RARB: variants seen among roughly 807,000 people sequenced by gnomAD.
RARB encodes retinoic acid receptor beta.
A neutral mutation model predicts 51.9 loss-of-function variants in RARB; 17 were observed. The ratio of observed to expected loss-of-function variants is 0.33; its 90% confidence interval spans 0.22 to 0.49. RARB has a LOEUF of 0.49. Ranked by LOEUF, RARB falls within the 20% of genes least tolerant of loss-of-function variation. The probability of loss-of-function intolerance (pLI) is 0.99; values close to 1 mark genes in which losing one functional copy is unlikely to be tolerated. For missense variants in RARB, 369 were observed against 550.8 expected (o/e 0.67, Z 3.30); for synonymous variants, 215 against 195.4 (o/e 1.10, Z -0.84).
intron 2 of RARB, among the ~76,000 whole-genome samples, chr3:24,940,146 C>T (rs1279694453): frequency 6.6e-6 from 1 of 152,176 alleles, no homozygotes; most frequent in East Asian, 1.9e-4. Context: ...AGACACGTCT[C>T]CTTTAAATGG....
At position 24,990,717 on chromosome 3, in the gene RARB, C is replaced by G. The variant is rs1696890269; in HGVS notation, c.-379-69408C>G. On this transcript the variant is annotated intron_variant, in intron 2 of 11. Coordinates refer to the RARB transcript ENST00000383772. Reference sequence around the variant, plus strand: ...ACCCTGCTCTTTGGCTTGTATAGTCCTGCCTCCTCATTATTACTCTTCTTC... The same window carrying G: ...ACCCTGCTCTTTGGCTTGTATAGTCGTGCCTCCTCATTATTACTCTTCTTC... Among the ~76,000 whole-genome samples the G allele has an allele frequency of 4.8e-5, 2 of 41,818 alleles. 1 individual carries two copies. The highest frequency in any genetic ancestry group is 7.3e-4 in the Admixed American group (2 of 2,736). The allele number at this position is 41,818 out of a possible 152,430, so 27.4% of individuals were successfully genotyped here.
chr3:24,904,996 C>T (rs866145629), intron 2 of RARB, among the ~76,000 whole-genome samples: 1 of 152,074 alleles, frequency 6.6e-6, no homozygotes, highest in East Asian at 1.9e-4. Context: ...GGGAACATCA[C>T]ACAAGGGGAG....
At chr3:24,901,126 A>C (rs1457410830) in intron 2 of RARB, among the ~76,000 whole-genome samples, 1 of 152,210 alleles carries the variant, frequency 6.6e-6, no homozygotes, top group Non-Finnish European at 1.5e-5. Context: ...GAGTAAATTG[A>C]TGGCCAATGG....
intron 2 of RARB, among the ~76,000 whole-genome samples, chr3:25,031,851 G>A (rs908457417): frequency 3.9e-5 from 6 of 152,102 alleles, no homozygotes; most frequent in South Asian, 2.1e-4. Flanking sequence ...ATTAATATTA[G>A]TACTTAAACT....
intron 3 of RARB, among the ~76,000 whole-genome samples, chr3:25,533,188 G>A (rs943826607): frequency 1.3e-4 from 20 of 152,120 alleles, no homozygotes; most frequent in African/African-American, 4.6e-4. Flanking sequence ...GCAGTTTTAT[G>A]GGAAGGGGAC....
At chr3:25,209,984 A>G (rs1246885211) in intron 5 of RARB, among the ~76,000 whole-genome samples, 1 of 152,140 alleles carries the variant, frequency 6.6e-6, no homozygotes, top group Non-Finnish European at 1.5e-5. Flanking sequence ...CTTCTGACAT[A>G]TTACTATAGC....
rs553133883 is a variant in RARB, at chr3:24,917,114, G to C, written c.-380+58362G>C. ...TTGTTTTTTAAAAAAATTTTATAAT[G>C]AAGTCTTGGGGTATGAATTATTTGT... On this transcript the variant is annotated intron_variant, in intron 2 of 11. Coordinates refer to the RARB transcript ENST00000383772. Among the ~76,000 whole-genome samples the C allele has an allele frequency of 3.3e-5, 5 of 152,284 alleles. No homozygotes were observed. The South Asian group carries it at 1.0e-3, about 32-fold the overall frequency.
At chr3:25,107,601 A>G (rs1603984) in intron 3 of RARB, among the ~76,000 whole-genome samples, 94,313 of 151,900 alleles carry the variant, frequency 0.62, 29,822 homozygotes, top group East Asian at 0.87. Flanking sequence ...GCCTGAAACC[A>G]CAAGTAGTAC....
At chr3:25,301,833 C>T (rs1016353255) in intron 5 of RARB, among the ~76,000 whole-genome samples, 5 of 152,182 alleles carry the variant, frequency 3.3e-5, no homozygotes, top group African/African-American at 4.8e-5. Flanking sequence ...GCATAGATGC[C>T]AGACCATTGG....
chr3:25,352,551 A>C (rs545063832), intron 5 of RARB, among the ~76,000 whole-genome samples: 1 of 152,236 alleles, frequency 6.6e-6, no homozygotes, highest in South Asian at 2.1e-4. Context: ...TGTAGTATTA[A>C]CCTGCCCCAA....
In RARB at chr3:25,148,588, A is replaced by G. The variant is rs73143482; in HGVS notation, c.-280+16380A>G. The stretch of plus-strand genomic sequence containing the variant: ...AAGTAATCACTGTCGCTGTACTTTT[A>G]TGGAAGCGTGTGGTGCAGTGGAAAA... On this transcript the variant is annotated intron_variant, in intron 4 of 11. Coordinates refer to the RARB transcript ENST00000383772. Among the ~76,000 whole-genome samples the G allele has an allele frequency of 4.3e-3, 661 of 152,298 alleles. 6 individuals are homozygous for G. Among genetic ancestry groups the G allele is most frequent in the African/African-American group, 0.015 (627 of 41,564 alleles).
At chr3:25,343,816 T>A (rs1441169484) in intron 5 of RARB, among the ~76,000 whole-genome samples, 2 of 152,202 alleles carry the variant, frequency 1.3e-5, no homozygotes, top group Non-Finnish European at 2.9e-5. Context: ...TGGCAAAGTT[T>A]GGGAGCTGCT....
At chr3:25,296,435 G>A (rs1279067105) in intron 5 of RARB, among the ~76,000 whole-genome samples, 6 of 152,138 alleles carry the variant, frequency 3.9e-5, no homozygotes, top group Non-Finnish European at 7.4e-5. Flanking sequence ...AATTATCTCT[G>A]TGCTTCTGTT....
At chr3:25,328,898 TC>T (rs1704807131) in intron 5 of RARB, among the ~76,000 whole-genome samples, 1 of 152,080 alleles carries the variant, frequency 6.6e-6, no homozygotes, top group Non-Finnish European at 1.5e-5. Context: ...GCTCGGAGGG[TC>T]CCACACCCAC....
intron 2 of RARB, among the ~76,000 whole-genome samples, chr3:24,988,340 G>T (rs1024241639): frequency 3.9e-5 from 6 of 151,940 alleles, no homozygotes; most frequent in African/African-American, 1.5e-4. Flanking sequence ...CAATGTTTCT[G>T]GTTCATATTT....
intron 5 of RARB, among the ~76,000 whole-genome samples, chr3:25,592,681 A>C (rs1449873973): frequency 6.6e-6 from 1 of 152,210 alleles, no homozygotes; most frequent in South Asian, 2.1e-4. Context: ...GTTATGTGTC[A>C]AGCATACACT....
chr3:25,518,798 A>G (rs1271724032), intron 3 of RARB, among the ~76,000 whole-genome samples: 1 of 152,184 alleles, frequency 6.6e-6, no homozygotes, highest in Admixed American at 6.5e-5. Flanking sequence ...TTATTAAGGT[A>G]TAACTTACAT....
intron 5 of RARB, among the ~76,000 whole-genome samples, chr3:25,349,856 G>A (rs1442246172): frequency 6.6e-6 from 1 of 152,124 alleles, no homozygotes; most frequent in Non-Finnish European, 1.5e-5. Context: ...TTCTTGGTAG[G>A]ACTCTGCTCT....
chr3:24,991,542 G>A (rs1055832057), intron 2 of RARB, among the ~76,000 whole-genome samples: 1 of 151,766 alleles, frequency 6.6e-6, no homozygotes. Flanking sequence ...TTATTGCACT[G>A]TAGTAAACAT....
Sources: gnomAD v4.1 joint callset for allele counts (sites outside exome capture counted in the v4.1 genomes callset) on GRCh38, gnomAD v4.1.1 for gene constraint, MANE v1.5 for transcripts, NCBI Gene and HGNC (gene_info 2026-07-23, HGNC 2026-07-21) for gene names.